ADCY9: variants seen among roughly 807,000 people sequenced by gnomAD.
ADCY9 encodes adenylate cyclase 9, also known as adenylate cyclase type 9.
A neutral mutation model predicts 101.5 loss-of-function variants in ADCY9; 50 were observed. That is an observed-to-expected ratio of 0.49 (90% CI 0.39 to 0.62). The LOEUF (loss-of-function observed/expected upper bound fraction) is 0.62, where lower values mean the gene tolerates loss of function less well. Ranked by LOEUF, ADCY9 falls within the 20% of genes least tolerant of loss-of-function variation. The pLI, the probability that ADCY9 is intolerant of heterozygous loss-of-function variation, is 0.00. For synonymous variants in ADCY9, 905 were observed against 769.3 expected (o/e 1.18, Z -2.92); for missense variants, 1,662 against 1,800.4 (o/e 0.92, Z 1.39).
At position 3,956,503 on chromosome 16, in the gene ADCY9, T is replaced by TTTTTTTTTTTTGGG. The variant is rs55792938; in HGVS notation, c.568-2988_568-2987insCCCAAAAAAAAAAA. ...GCGCAATGAGCTTTTTTTTTTTTTT[T>TTTTTTTTTTTTGGG]GGGGGGGGATGGAGTCTCCCTCTGT... On this transcript the variant is annotated intron_variant, in intron 5 of 5. Coordinates refer to the ADCY9 transcript ENST00000576936. 1.4e-3 allele frequency among the ~76,000 whole-genome samples: 98 copies of TTTTTTTTTTTTGGG among 69,538 alleles called. 14 individuals carry two copies. The highest frequency in any genetic ancestry group is 3.6e-3 in the African/African-American group (90 of 24,732). 45.6% of individuals were successfully genotyped at this position (69,538 alleles called of 152,430 possible).
chr16:4,113,657 T>C, intron 2 of ADCY9, 93 bp downstream of exon 2: 1 of 1,481,780 alleles, frequency 6.7e-7, no homozygotes, highest in Non-Finnish European at 9.1e-7. Flanking sequence ...ATACCTGAGC[T>C]GTCTGCAGAC....
chr16:4,105,290 T>A (rs767528171), intron 2 of ADCY9, among the ~76,000 whole-genome samples: 1 of 152,164 alleles, frequency 6.6e-6, no homozygotes. Context: ...TTGTTTCAAT[T>A]TCTAATACTG....
At chr16:4,079,890 T>C (rs953537594) in intron 2 of ADCY9, among the ~76,000 whole-genome samples, 7 of 152,110 alleles carry the variant, frequency 4.6e-5, no homozygotes, top group African/African-American at 1.4e-4. Context: ...TATCTGTCTT[T>C]TCTAAAACAC....
At position 3,966,872 on chromosome 16, in the gene ADCY9, G is replaced by A. The variant is rs753457325; in HGVS notation, c.2965C>T (p.Leu989=). 1.2e-6 allele frequency: 2 copies of A among 1,614,196 alleles called. No individual in the cohort carries two copies. The highest frequency in any genetic ancestry group is 1.7e-6 in the Non-Finnish European group (2 of 1,180,048). The change falls in exon 11 of 11, where the codon CTG becomes TTG. Residue 989 remains leucine (L), a synonymous_variant. Transcript: ENST00000294016. ...GQEVVLVFFL[L]LLLVWFLNRE... is the part of the protein sequence containing the mutation. ...TTCAGGAACCAGACCAACAAGAGCA[G>A]GAGAAAGAAGACGAGAACCACCTCC...
intron 2 of ADCY9, among the ~76,000 whole-genome samples, chr16:4,070,558 G>A (rs1567136524): frequency 1.3e-5 from 2 of 152,210 alleles, no homozygotes; most frequent in Non-Finnish European, 2.9e-5. Context: ...GCTCACACCT[G>A]TAATCCCAGT....
intron 3 of ADCY9, 114 bp from the exon 4 acceptor site, chr16:3,993,624 G>T: frequency 7.3e-7 from 1 of 1,360,608 alleles, no homozygotes; most frequent in Non-Finnish European, 1.0e-6. Flanking sequence ...GTGAGCAAGG[G>T]GAAGGCACAC....
intron 2 of ADCY9, among the ~76,000 whole-genome samples, chr16:4,016,336 G>T (rs2056438459): frequency 6.6e-6 from 1 of 152,178 alleles, no homozygotes; most frequent in African/African-American, 2.4e-5. Context: ...AGAGAGCTGG[G>T]GAAAGATACC....
chr16:3,971,183 C>T (rs568008532), intron 10 of ADCY9, among the ~76,000 whole-genome samples: 8 of 152,142 alleles, frequency 5.3e-5, no homozygotes, highest in East Asian at 1.9e-4. Context: ...AATGAGCTTC[C>T]CTGGTAGGCA....
chr16:3,958,810 A>C (rs981961051), downstream of ADCY9, among the ~76,000 whole-genome samples: 32 of 150,322 alleles, frequency 2.1e-4, no homozygotes, highest in African/African-American at 7.3e-4. Context: ...AGCTGAGACC[A>C]CAGGCACCCA....
chr16:3,993,281 G>T (rs1205198670), intron 4 of ADCY9, 125 bp downstream of exon 4: 3 of 1,474,806 alleles, frequency 2.0e-6, no homozygotes, highest in Admixed American at 4.4e-5. Flanking sequence ...GGACCCGCGG[G>T]TGCGGAGTGC....
At chr16:3,959,187 C>T (rs974240471), downstream of ADCY9, among the ~76,000 whole-genome samples, 4 of 151,794 alleles carry the variant, frequency 2.6e-5, no homozygotes, top group African/African-American at 9.7e-5. Flanking sequence ...ATGGTGAAAC[C>T]CCATCTCCAC....
intron 10 of ADCY9, among the ~76,000 whole-genome samples, chr16:3,974,065 A>T (rs531725812): frequency 3.0e-4 from 46 of 152,340 alleles, no homozygotes; most frequent in African/African-American, 9.6e-4. Flanking sequence ...TTTTTGAGAC[A>T]CAGTCTCATT....
intron 2 of ADCY9, among the ~76,000 whole-genome samples, chr16:4,069,350 G>A (rs140052860): frequency 5.1e-4 from 77 of 151,406 alleles, no homozygotes; most frequent in African/African-American, 1.8e-3. Context: ...ATGACCTAGA[G>A]AAGTAATTTA....
chr16:4,045,988 T>C (rs12920928), intron 2 of ADCY9, among the ~76,000 whole-genome samples: 3 of 150,656 alleles, frequency 2.0e-5, no homozygotes, highest in African/African-American at 7.3e-5. Flanking sequence ...GGGACTACAG[T>C]TGCATACCAC....
rs537612800 is a variant in ADCY9, at chr16:3,992,474, G to C, written c.1990-111C>G. 1.0e-5 allele frequency: 10 copies of C among 992,896 alleles called. No homozygotes were observed. 61.5% of individuals were successfully genotyped at this position (992,896 alleles called of 1,614,324 possible). On this transcript the variant is annotated intron_variant, in intron 4 of 10. Coordinates refer to ENST00000294016, the MANE Select transcript of ADCY9 (RefSeq NM_001116.4). This position sits in a 1 kb window ranked among gnomAD's most constrained non-coding sequence, Gnocchi z 4.2. ...GCTGCGGGGCGCTGCTGCACTGGGC[G>C]TGGGACTTTCTGACCTGCGAGGAAC...
At chr16:4,075,966 T>C (rs954682087) in intron 2 of ADCY9, among the ~76,000 whole-genome samples, 1 of 152,128 alleles carries the variant, frequency 6.6e-6, no homozygotes, top group Non-Finnish European at 1.5e-5. Context: ...TGTTATTTCT[T>C]TAAGTGACAG....
Position 4,114,503 on chromosome 16 carries a change from C to T in ADCY9, c.940G>A (p.Gly314Arg). The T allele has an allele frequency of 3.1e-6, 5 of 1,614,152 alleles. No individual in the cohort carries two copies. The highest frequency in any genetic ancestry group is 4.2e-6 in the Non-Finnish European group (5 of 1,180,040). ...VRSRSTFLKV[G>R]QSIMHGKDLE... ...TCCTTCCCGTGCATAATGGATTGCC[C>T]CACCTTGAGGAAGGTGCTCCTGGAC... is the stretch of plus-strand genomic sequence containing the variant. The change falls in exon 2 of 11, where the codon GGG (glycine) becomes AGG (arginine). Residue 314 changes from glycine to arginine, a missense_variant. Coordinates refer to ENST00000294016, the MANE Select transcript of ADCY9 (RefSeq NM_001116.4). The surrounding 1 kb of genome is among the most constrained non-coding windows in gnomAD (Gnocchi z 4.3).
chr16:4,052,844 G>A (rs898678024), intron 2 of ADCY9, among the ~76,000 whole-genome samples: 3 of 152,116 alleles, frequency 2.0e-5, no homozygotes, highest in Non-Finnish European at 4.4e-5. Context: ...CTGCTGGGGC[G>A]GGGTCCCGTT....
intron 2 of ADCY9, among the ~76,000 whole-genome samples, chr16:4,070,167 G>T (rs2056825308): frequency 6.6e-6 from 1 of 151,706 alleles, no homozygotes; most frequent in African/African-American, 2.4e-5. Flanking sequence ...ATTCTCTTTT[G>T]TACTTTTAAA....
Sources: gnomAD v4.1 joint callset for allele counts (sites outside exome capture counted in the v4.1 genomes callset) on GRCh38, gnomAD v4.1.1 for gene constraint, Gnocchi (gnomAD v3.1) non-coding constraint, MANE v1.5 for transcripts, NCBI Gene and HGNC (gene_info 2026-07-23, HGNC 2026-07-21) for gene names.